KIRREL3: variants seen among roughly 807,000 people sequenced by gnomAD.
KIRREL3 encodes the protein kirre like nephrin family adhesion molecule 3.
KIRREL3 carries 36 observed loss-of-function variants against 89.7 expected under a neutral mutation model. The observed-to-expected ratio is 0.40, with a 90% CI of 0.31 to 0.53. KIRREL3 has a LOEUF of 0.53. Ranked by LOEUF, KIRREL3 falls within the 20% of genes least tolerant of loss-of-function variation. The probability of loss-of-function intolerance (pLI) is 0.49; values close to 1 mark genes in which losing one functional copy is unlikely to be tolerated. For missense variants in KIRREL3, 864 were observed against 1,056.6 expected (o/e 0.82, Z 2.53); for synonymous variants, 445 against 441.4 (o/e 1.01, Z -0.10).
rs927214299 is a variant in KIRREL3, at chr11:126,471,084, G to A, written c.591+2225C>T. On this transcript the variant is annotated intron_variant, in intron 5 of 16. Transcript: ENST00000525144. This position sits in a 1 kb window ranked among gnomAD's most constrained non-coding sequence, Gnocchi z 5.4. ...TTGAAAAGACAGTTTGCGGCCGGGC[G>A]CAGTGGCTCAGTCCTGTAATCCCAG... 5.3e-5 allele frequency among the ~76,000 whole-genome samples: 8 copies of A among 152,162 alleles called. No individual in the cohort carries two copies. The highest frequency in any genetic ancestry group is 3.2e-3 in the Middle Eastern group (1 of 316).
At chr11:126,585,831 G>A (rs1046128077) in intron 1 of KIRREL3, among the ~76,000 whole-genome samples, 4 of 152,246 alleles carry the variant, frequency 2.6e-5, no homozygotes, top group Non-Finnish European at 4.4e-5. Flanking sequence ...CGTCGCTCTC[G>A]TTAAGTTCCA....
At position 126,955,011 on chromosome 11, in the gene KIRREL3, G is replaced by C. The variant is rs11602176; in HGVS notation, c.55+45444C>G. 0.45 allele frequency among the ~76,000 whole-genome samples: 69,108 copies of C among 151,912 alleles called. 16,346 individuals carry two copies. The highest frequency in any genetic ancestry group is 0.57 in the Middle Eastern group (167 of 294). Reference sequence around the variant, plus strand: ...CGTGCCCTAGCTCAGCTGAGGCTGAGAGGCTGGCTGAAGCAGGAAGAACTG... The same window carrying C: ...CGTGCCCTAGCTCAGCTGAGGCTGACAGGCTGGCTGAAGCAGGAAGAACTG... On this transcript the variant is annotated intron_variant, in intron 1 of 16. Coordinates refer to ENST00000525144, the MANE Select transcript of KIRREL3 (RefSeq NM_032531.4). The surrounding 1 kb of genome is among the most constrained non-coding windows in gnomAD (Gnocchi z 4.6).
chr11:126,858,257 G>A (rs1358577077), intron 1 of KIRREL3, among the ~76,000 whole-genome samples: 1 of 152,206 alleles, frequency 6.6e-6, no homozygotes, highest in African/African-American at 2.4e-5. Flanking sequence ...GGCTGCTCTG[G>A]AGCCTGTGAC....
Position 126,569,118 on chromosome 11 carries a change from C to T in KIRREL3, c.56-6206G>A, listed in dbSNP as rs953341869. On this transcript the variant is annotated intron_variant, in intron 1 of 16. Transcript: ENST00000525144. This position sits in a 1 kb window ranked among gnomAD's most constrained non-coding sequence, Gnocchi z 6.5. Reference sequence around the variant, plus strand: ...GAGTGGGTCAAGCAGAGGAAGAGGGCAAGGATGACCCCAGTGTCTTTTGTG... The same window carrying T: ...GAGTGGGTCAAGCAGAGGAAGAGGGTAAGGATGACCCCAGTGTCTTTTGTG... Among the ~76,000 whole-genome samples, 1 of 151,922 alleles carries T rather than the reference C, an allele frequency of 6.6e-6. No individual in the cohort carries two copies. The highest frequency in any genetic ancestry group is 2.4e-5 in the African/African-American group (1 of 41,366).
chr11:126,533,341 C>T (rs891900856), intron 2 of KIRREL3, among the ~76,000 whole-genome samples: 8 of 152,166 alleles, frequency 5.3e-5, no homozygotes, highest in Non-Finnish European at 1.0e-4. Flanking sequence ...CTCTAGTCCT[C>T]GCCCCCAGGA....
At position 126,974,077 on chromosome 11, in the gene KIRREL3, G is replaced by A. The variant is rs190188045; in HGVS notation, c.55+26378C>T. 1.6e-4 allele frequency among the ~76,000 whole-genome samples: 24 copies of A among 152,270 alleles called. No homozygotes were observed. The East Asian group carries it at 2.7e-3, about 17-fold the overall frequency. On this transcript the variant is annotated intron_variant, in intron 1 of 16. Transcript: ENST00000525144. ...TGTGCATAGGAGGTACTCATTGCAC[G>A]TTAGGGGTTGAATTCAGTTACATAA...
intron 1 of KIRREL3, among the ~76,000 whole-genome samples, chr11:126,815,208 A>C (rs1951516883): frequency 6.6e-6 from 1 of 152,216 alleles, no homozygotes; most frequent in African/African-American, 2.4e-5. Context: ...CATTTCCATA[A>C]CAACCTTTAG....
intron 1 of KIRREL3, among the ~76,000 whole-genome samples, chr11:126,923,023 C>A (rs559926815): frequency 2.0e-5 from 3 of 152,348 alleles, no homozygotes; most frequent in Admixed American, 2.0e-4. Context: ...GCTCCCATGG[C>A]AGCATGCCCT....
intron 1 of KIRREL3, among the ~76,000 whole-genome samples, chr11:126,707,588 T>C (rs1947583308): frequency 6.6e-6 from 1 of 152,200 alleles, no homozygotes; most frequent in African/African-American, 2.4e-5. Context: ...TCTTAGCCTT[T>C]CCAGTCTGCA....
Position 126,683,404 on chromosome 11 carries a change from A to G in KIRREL3, c.56-120492T>C, listed in dbSNP as rs1946544702. On this transcript the variant is annotated intron_variant, in intron 1 of 16. Coordinates refer to ENST00000525144, the MANE Select transcript of KIRREL3 (RefSeq NM_032531.4). The surrounding 1 kb of genome is among the most constrained non-coding windows in gnomAD (Gnocchi z 5.2). ...AGCTCCCCAGAGGGCCGTGGTCCACAAAGGGAAACACTGTCCCATCCAACT... is the reference window on the plus strand; with the variant it reads ...AGCTCCCCAGAGGGCCGTGGTCCACGAAGGGAAACACTGTCCCATCCAACT... Among the ~76,000 whole-genome samples, 1 of 152,176 alleles carries G rather than the reference A, an allele frequency of 6.6e-6. No individual in the cohort carries two copies. Among genetic ancestry groups the G allele is most frequent in the African/African-American group, 2.4e-5 (1 of 41,428 alleles).
In KIRREL3 at chr11:126,892,734, C is replaced by T. The variant is rs1037509517; in HGVS notation, c.55+107721G>A. On this transcript the variant is annotated intron_variant, in intron 1 of 16. Transcript: ENST00000525144. This position sits in a 1 kb window ranked among gnomAD's most constrained non-coding sequence, Gnocchi z 5.4. The stretch of plus-strand genomic sequence containing the variant: ...ACTACAGCATGACCTGACTTCTATG[C>T]CCCCAGCACTATGGCCATGACAGCC... Among the ~76,000 whole-genome samples the T allele has an allele frequency of 6.6e-6, 1 of 152,074 alleles. No homozygotes were observed. The highest frequency in any genetic ancestry group is 1.5e-5 in the Non-Finnish European group (1 of 68,032).
chr11:126,523,680 G>A lies in KIRREL3; in HGVS notation c.284-2216C>T, dbSNP rs1337373584. Among the ~76,000 whole-genome samples, 6 of 152,096 alleles carry A rather than the reference G, an allele frequency of 3.9e-5. No homozygotes were observed. Among genetic ancestry groups the A allele is most frequent in the African/African-American group, 1.4e-4 (6 of 41,410 alleles). On this transcript the variant is annotated intron_variant, in intron 3 of 16. Coordinates refer to ENST00000525144, the MANE Select transcript of KIRREL3 (RefSeq NM_032531.4). This position sits in a 1 kb window ranked among gnomAD's most constrained non-coding sequence, Gnocchi z 4.9. ...CTGTCTCCCCCCAGGGCCAGGAGAG[G>A]GGCTGGAAATGGGTTCTAGCCCAAT...
chr11:126,996,516 G>A lies in KIRREL3; in HGVS notation c.55+3939C>T, dbSNP rs978817475. Among the ~76,000 whole-genome samples the A allele has an allele frequency of 6.6e-6, 1 of 152,154 alleles. No homozygotes were observed. Among genetic ancestry groups the A allele is most frequent in the Admixed American group, 6.5e-5 (1 of 15,284 alleles). On this transcript the variant is annotated intron_variant, in intron 1 of 16. Coordinates refer to ENST00000525144, the MANE Select transcript of KIRREL3 (RefSeq NM_032531.4). This position sits in a 1 kb window ranked among gnomAD's most constrained non-coding sequence, Gnocchi z 4.7. The stretch of plus-strand genomic sequence containing the variant: ...TTGCTAGTTCAAGCCTCTTGAAGTG[G>A]CTCCTCCTTTTCCATGCTTCTTGTC...
intron 1 of KIRREL3, among the ~76,000 whole-genome samples, chr11:126,840,972 C>T (rs1192545415): frequency 6.6e-6 from 1 of 152,190 alleles, no homozygotes; most frequent in East Asian, 1.9e-4. Context: ...TTGCTAACAT[C>T]TATAGTAAGA....
Position 126,872,734 on chromosome 11 carries a change from C to T in KIRREL3, c.55+127721G>A, listed in dbSNP as rs532928629. ...AGTGTGGGTACTTTCCTGCTCTGTG[C>T]TGCCAGAATGGTGCTGAATATGAAT... On this transcript the variant is annotated intron_variant, in intron 1 of 16. Transcript: ENST00000525144. This position sits in a 1 kb window ranked among gnomAD's most constrained non-coding sequence, Gnocchi z 4.2. Among the ~76,000 whole-genome samples, 1 of 152,348 alleles carries T rather than the reference C, an allele frequency of 6.6e-6. No individual in the cohort carries two copies. The highest frequency in any genetic ancestry group is 1.5e-5 in the Non-Finnish European group (1 of 68,038).
rs1049516996 is a variant in KIRREL3 at position 126,576,109 on chromosome 11, G to C, written c.56-13197C>G. 2.0e-5 allele frequency among the ~76,000 whole-genome samples: 3 copies of C among 152,116 alleles called. No individual in the cohort carries two copies. The highest frequency in any genetic ancestry group is 7.2e-5 in the African/African-American group (3 of 41,408). The stretch of plus-strand genomic sequence containing the variant: ...ATGTGACGAGTAACTCCACAGACAG[G>C]GATGATCTACTCTAATGTTCAACAG... On this transcript the variant is annotated intron_variant, in intron 1 of 16. Transcript: ENST00000525144. This position sits in a 1 kb window ranked among gnomAD's most constrained non-coding sequence, Gnocchi z 5.4.
chr11:126,541,782 G>T lies in KIRREL3; in HGVS notation c.134-15095C>A, dbSNP rs1938385899. Among the ~76,000 whole-genome samples the T allele has an allele frequency of 6.6e-6, 1 of 151,982 alleles. No individual in the cohort carries two copies. The highest frequency in any genetic ancestry group is 6.6e-5 in the Admixed American group (1 of 15,242). On this transcript the variant is annotated intron_variant, in intron 2 of 16. Transcript: ENST00000525144. The surrounding 1 kb of genome is among the most constrained non-coding windows in gnomAD (Gnocchi z 4.8). ...CCACAGCACGGGCTTGTGGGCCTGGGTTATTTCTAGTTCAGGCTCTGTCAC... is the reference window on the plus strand; with the variant it reads ...CCACAGCACGGGCTTGTGGGCCTGGTTTATTTCTAGTTCAGGCTCTGTCAC...
In KIRREL3 at chr11:126,764,170, C is replaced by T. The variant is rs1237164466; in HGVS notation, c.56-201258G>A. ...TTTTCCCCTGTCTAACCCACTCACC[C>T]ACATACCCTGGGGCAAAATGAAACA... On this transcript the variant is annotated intron_variant, in intron 1 of 16. Coordinates refer to ENST00000525144, the MANE Select transcript of KIRREL3 (RefSeq NM_032531.4). This position sits in a 1 kb window ranked among gnomAD's most constrained non-coding sequence, Gnocchi z 4.2. Among the ~76,000 whole-genome samples, 1 of 152,198 alleles carries T rather than the reference C, an allele frequency of 6.6e-6. No homozygotes were observed. The highest frequency in any genetic ancestry group is 1.5e-5 in the Non-Finnish European group (1 of 68,048).
rs1943817512 is a variant in KIRREL3, at chr11:126,837,414, A to T, written c.55+163041T>A. Among the ~76,000 whole-genome samples, 1 of 152,236 alleles carries T rather than the reference A, an allele frequency of 6.6e-6. No homozygotes were observed. The highest frequency in any genetic ancestry group is 6.5e-5 in the Admixed American group (1 of 15,282). On this transcript the variant is annotated intron_variant, in intron 1 of 16. Coordinates refer to ENST00000525144, the MANE Select transcript of KIRREL3 (RefSeq NM_032531.4). The surrounding 1 kb of genome is among the most constrained non-coding windows in gnomAD (Gnocchi z 4.7). ...GAATTCAAAACTATGAACTTGTTAG[A>T]TAAGGACATGTCTAGACTCAGAGTG... is the stretch of plus-strand genomic sequence containing the variant.
Sources: allele counts gnomAD v4.1 joint callset (sites outside exome capture counted in the v4.1 genomes callset), GRCh38; gene constraint gnomAD v4.1.1; non-coding constraint Gnocchi (gnomAD v3.1); transcripts MANE v1.5; gene names NCBI Gene and HGNC (gene_info 2026-07-23, HGNC 2026-07-21).